MAPK10: variants seen among roughly 807,000 people sequenced by gnomAD.
The protein encoded by MAPK10 is JNK3 alpha protein kinase.
In MAPK10, 25 loss-of-function variants were observed where a neutral mutation model predicts 59.3. The ratio of observed to expected loss-of-function variants is 0.42; its 90% CI spans 0.31 to 0.59. MAPK10 has a LOEUF of 0.59. MAPK10 is among the 20% of genes least tolerant of loss of function. The pLI, the probability that MAPK10 is intolerant of heterozygous loss-of-function variation, is 0.15. For missense variants in MAPK10, 351 were observed against 568.9 expected (o/e 0.62, Z 3.90); for synonymous variants, 190 against 200.5 (o/e 0.95, Z 0.44).
chr4:86,278,127 A>G (rs1296269814), intron 2 of MAPK10, among the ~76,000 whole-genome samples: 2 of 152,148 alleles, frequency 1.3e-5, no homozygotes, highest in East Asian at 3.8e-4. Flanking sequence ...ACTCATATCA[A>G]AAGACAGACG....
At chr4:86,536,952 T>TGGTAAGATGAG (rs1401409736) in intron 1 of MAPK10, among the ~76,000 whole-genome samples, 1 of 151,700 alleles carries the variant, frequency 6.6e-6, no homozygotes, top group Non-Finnish European at 1.5e-5. Context: ...AAAGCCATGG[T>TGGTAAGATGAG]GGTAAGATGA....
chr4:86,130,139 T>C (rs2060746519), intron 4 of MAPK10, among the ~76,000 whole-genome samples: 1 of 152,174 alleles, frequency 6.6e-6, no homozygotes, highest in African/African-American at 2.4e-5. Flanking sequence ...CATTTCTTTT[T>C]AATTTGAGCT....
intron 1 of MAPK10, among the ~76,000 whole-genome samples, chr4:86,391,143 T>C (rs1742128308): frequency 6.6e-6 from 1 of 152,220 alleles, no homozygotes; most frequent in Non-Finnish European, 1.5e-5. Flanking sequence ...AGATGCATCA[T>C]TTACATTCAA....
chr4:86,282,830 A>G (rs2094862266), intron 2 of MAPK10, among the ~76,000 whole-genome samples: 1 of 152,148 alleles, frequency 6.6e-6, no homozygotes, highest in Non-Finnish European at 1.5e-5. Flanking sequence ...TTGTTTCCCT[A>G]TGTCTATGGA....
At chr4:86,197,512 C>T (rs747894210) in intron 2 of MAPK10, among the ~76,000 whole-genome samples, 5 of 152,132 alleles carry the variant, frequency 3.3e-5, no homozygotes, top group Non-Finnish European at 7.4e-5. Context: ...CAAACACAGA[C>T]AATTTGCCAG....
intron 1 of MAPK10, chr4:86,392,264 C>G (rs1025893870): frequency 3.9e-5 from 6 of 152,300 alleles, no homozygotes; most frequent in African/African-American, 1.4e-4. Flanking sequence ...TGTGGTGAAA[C>G]TCCATCTCTA....
intron 1 of MAPK10, among the ~76,000 whole-genome samples, chr4:86,408,331 T>C (rs1744649190): frequency 6.6e-6 from 1 of 152,144 alleles, no homozygotes; most frequent in South Asian, 2.1e-4. Flanking sequence ...TCCAAGTCTT[T>C]GCTATTGTGA....
At chr4:86,179,450 A>G (rs1184948448) in intron 3 of MAPK10, among the ~76,000 whole-genome samples, 1 of 152,142 alleles carries the variant, frequency 6.6e-6, no homozygotes, top group Non-Finnish European at 1.5e-5. Context: ...TACACATTCA[A>G]TGTAACGCCT....
At chr4:86,401,484 T>C (rs1743720273) in intron 1 of MAPK10, among the ~76,000 whole-genome samples, 1 of 152,198 alleles carries the variant, frequency 6.6e-6, no homozygotes, top group Non-Finnish European at 1.5e-5. Context: ...CTAAAAGCAC[T>C]GTATACAAAC....
Position 86,312,319 on chromosome 4 carries a change from A to C in MAPK10, c.-7+42211T>G, listed in dbSNP as rs150954039. ...TAATTCTATTTAGTCATCACAGTAC[A>C]TGCTTTCTTGGACTCTATATACCAT... On this transcript the variant is annotated intron_variant, in intron 2 of 13. Coordinates refer to ENST00000641462, the MANE Select transcript of MAPK10 (RefSeq NM_138982.4). Among the ~76,000 whole-genome samples, 80 of 152,218 alleles carry C rather than the reference A, an allele frequency of 5.3e-4. 1 individual carries two copies. Among genetic ancestry groups the C allele is most frequent in the African/African-American group, 1.9e-3 (79 of 41,562 alleles).
chr4:86,139,684 G>A (rs1451203765), intron 4 of MAPK10, among the ~76,000 whole-genome samples: 1 of 152,072 alleles, frequency 6.6e-6, no homozygotes, highest in African/African-American at 2.4e-5. Flanking sequence ...TTGACAAATG[G>A]GATCTAATTA....
chr4:86,185,380 GT>G lies in MAPK10; in HGVS notation c.66+8955del, dbSNP rs1196105193. On this transcript the variant is annotated intron_variant, in intron 3 of 13. Coordinates refer to ENST00000641462, the MANE Select transcript of MAPK10 (RefSeq NM_138982.4). Reference sequence around the variant, plus strand: ...ACATTTCAGTGAAGCCCTGAAGATGGTTAAGGAGTGGCCCAAGTGGATAACA... The same window carrying G: ...ACATTTCAGTGAAGCCCTGAAGATGGTAAGGAGTGGCCCAAGTGGATAACA... Among the ~76,000 whole-genome samples the G allele has an allele frequency of 2.0e-5, 3 of 152,184 alleles. No homozygotes were observed. In the East Asian group the frequency reaches 5.8e-4, roughly 29 times the overall value.
At chr4:86,303,241 CAT>C (rs2148850700) in intron 2 of MAPK10, among the ~76,000 whole-genome samples, 1 of 152,192 alleles carries the variant, frequency 6.6e-6, no homozygotes, top group African/African-American at 2.4e-5. Context: ...TATATTTTTC[CAT>C]AAAGTCTACA....
chr4:86,129,168 A>T (rs1256752663), intron 4 of MAPK10, among the ~76,000 whole-genome samples: 1 of 152,152 alleles, frequency 6.6e-6, no homozygotes, highest in African/African-American at 2.4e-5. Flanking sequence ...TTTTACAGAC[A>T]TTTGGCAAAC....
intron 2 of MAPK10, chr4:86,268,033 G>A (rs1305547972): frequency 6.6e-6 from 1 of 152,176 alleles, no homozygotes; most frequent in Non-Finnish European, 1.5e-5. Flanking sequence ...CTCAGGAAAT[G>A]TTTACTGAAA....
intron 2 of MAPK10, among the ~76,000 whole-genome samples, chr4:86,294,636 A>G (rs569050466): frequency 6.6e-6 from 1 of 152,184 alleles, no homozygotes; most frequent in South Asian, 2.1e-4. Flanking sequence ...TTTTCTTTAT[A>G]CTTTCTCCAA....
At chr4:86,553,623 G>T (rs768171547) in intron 1 of MAPK10, among the ~76,000 whole-genome samples, 1 of 152,108 alleles carries the variant, frequency 6.6e-6, no homozygotes, top group Non-Finnish European at 1.5e-5. Context: ...TGCACTTTCA[G>T]GTATGCTGGG....
intron 1 of MAPK10, among the ~76,000 whole-genome samples, chr4:86,502,119 C>A (rs1755374237): frequency 1.3e-5 from 2 of 152,082 alleles, no homozygotes; most frequent in South Asian, 2.1e-4. Context: ...TATTCTGAAA[C>A]CATTTTCTTC....
chr4:86,384,854 A>G (rs1741253308), intron 1 of MAPK10, among the ~76,000 whole-genome samples: 1 of 152,230 alleles, frequency 6.6e-6, no homozygotes, highest in Admixed American at 6.5e-5. Context: ...GAATACAACT[A>G]AAGTTTTAAC....
Sources: allele counts gnomAD v4.1 joint callset (sites outside exome capture counted in the v4.1 genomes callset), GRCh38; gene constraint gnomAD v4.1.1; transcripts MANE v1.5; gene names NCBI Gene and HGNC (gene_info 2026-07-23, HGNC 2026-07-21).